STAT3: variants seen among roughly 807,000 people sequenced by gnomAD.
STAT3 encodes DNA-binding protein APRF.
STAT3 carries 7 observed loss-of-function variants against 114.3 expected under a neutral mutation model. The ratio of observed to expected loss-of-function variants is 0.06; its 90% CI spans 0.03 to 0.11. The LOEUF (loss-of-function observed/expected upper bound fraction) is 0.11, where lower values mean the gene tolerates loss of function less well. STAT3 is among the 10% of genes least tolerant of loss of function. The pLI is 1.00. For synonymous variants in STAT3, 331 were observed against 354.5 expected (o/e 0.93, Z 0.74); for missense variants, 364 against 960.9 (o/e 0.38, Z 8.21).
At chr17:42,344,859 T>G (rs182899758) in intron 4 of STAT3, among the ~76,000 whole-genome samples, 111 of 151,942 alleles carry the variant, frequency 7.3e-4, no homozygotes, top group Non-Finnish European at 7.4e-4. Flanking sequence ...GGCTGTTTTT[T>G]AGGTTTTGAT....
chr17:42,367,398 A>C (rs1268523646), intron 1 of STAT3, among the ~76,000 whole-genome samples: 1 of 150,462 alleles, frequency 6.6e-6, no homozygotes, highest in Non-Finnish European at 1.5e-5. Flanking sequence ...CCCACTCAGG[A>C]AAAAATCCAA....
Position 42,329,716 on chromosome 17 carries a change from G to C in STAT3, c.1139+31C>G, listed in dbSNP as rs2081910657. The C allele has an allele frequency of 2.5e-6, 4 of 1,614,164 alleles. No individual in the cohort carries two copies. In the East Asian group the frequency reaches 6.7e-5, roughly 27 times the overall value. The stretch of plus-strand genomic sequence containing the variant: ...CCGGAGGATGAAGTTAGGTTAAACG[G>C]AACAAAAGGAAGCCTCTAGGCTGAA... On this transcript the variant is annotated intron_variant, in intron 12 of 23. Coordinates refer to ENST00000264657, the MANE Select transcript of STAT3 (RefSeq NM_139276.3).
intron 1 of STAT3, among the ~76,000 whole-genome samples, chr17:42,378,096 C>T (rs1473722521): frequency 2.1e-5 from 3 of 144,838 alleles, no homozygotes. Context: ...AGCGATTCTC[C>T]TGCCTCAGCC....
At position 42,323,155 on chromosome 17, in the gene STAT3, G is replaced by A. The variant is rs1361828304; in HGVS notation, c.1749-12C>T. 1.2e-6 allele frequency: 2 copies of A among 1,614,218 alleles called. No individual in the cohort carries two copies. Among genetic ancestry groups the A allele is most frequent in the South Asian group, 2.2e-5 (2 of 91,088 alleles). On this transcript the variant is annotated splice_polypyrimidine_tract_variant and intron_variant, in intron 19 of 23. Transcript: ENST00000264657. ...AGCCCATGATGTACCTGGAGCCAAG[G>A]AGGAGGAACAATGTTGTTATTGCTA... is the stretch of plus-strand genomic sequence containing the variant.
chr17:42,388,423 CTTG>C lies in STAT3; in HGVS notation c.-171_-169del. ...GTGCCTGTCCAGGATCCGGTTGGGG[CTTG>C]TTCCCTCGGCTGCGACGTCGGAACC... On this transcript the variant is annotated 5_prime_UTR_variant, in exon 1 of 24. Transcript: ENST00000264657. The C allele has an allele frequency of 5.7e-6, 7 of 1,231,864 alleles. No individual in the cohort carries two copies. Among genetic ancestry groups the C allele is most frequent in the Non-Finnish European group, 6.1e-6 (6 of 988,050 alleles). The allele number at this position is 1,231,864 out of a possible 1,614,324, so 76.3% of individuals were successfully genotyped here.
chr17:42,320,504 C>T (rs1035996687), intron 21 of STAT3, among the ~76,000 whole-genome samples: 2 of 152,090 alleles, frequency 1.3e-5, no homozygotes, highest in African/African-American at 4.8e-5. Context: ...CTGAAGTGGG[C>T]AGATCACCTG....
rs202126764 is a variant in STAT3 at position 42,337,856 on chromosome 17, G to A, written c.552C>T (p.Asp184=). The A allele has an allele frequency of 9.0e-5, 146 of 1,613,892 alleles. No individual in the cohort carries two copies. The highest frequency in any genetic ancestry group is 1.2e-4 in the Non-Finnish European group (140 of 1,179,994). The part of the protein sequence containing the change: ...FNYKTLKSQG[D]MQDLNGNNQS... ...GGTTGTTTCCATTCAGATCTTGCATGTCTGCGAAGGAAGAAAAAACTCCTT... is the reference window on the plus strand; with the variant it reads ...GGTTGTTTCCATTCAGATCTTGCATATCTGCGAAGGAAGAAAAAACTCCTT... The change falls in exon 7 of 24, where the codon GAC becomes GAT. Residue 184 remains aspartate (D), a splice_region_variant and synonymous_variant. Coordinates refer to ENST00000264657, the MANE Select transcript of STAT3 (RefSeq NM_139276.3). The surrounding 1 kb of genome is among the most constrained non-coding windows in gnomAD (Gnocchi z 4.0).
Position 42,326,078 on chromosome 17 carries a change from T to C in STAT3, c.1365+38A>G, listed in dbSNP as rs763085268. ...GGAAGTTTTTGTCCTGAGTCACCCC[T>C]GTACGTAGCCTCTCACCGATTCTGC... On this transcript the variant is annotated intron_variant, in intron 15 of 23. Transcript: ENST00000264657. The C allele has an allele frequency of 1.9e-6, 3 of 1,585,728 alleles. No individual in the cohort carries two copies. In the Admixed American group the frequency reaches 5.0e-5, roughly 26 times the overall value.
chr17:42,367,014 G>A (rs371501593), intron 1 of STAT3, among the ~76,000 whole-genome samples: 45 of 152,114 alleles, frequency 3.0e-4, no homozygotes, highest in African/African-American at 1.0e-3. Flanking sequence ...AGTGGCAGGC[G>A]CCTGTAATCT....
chr17:42,357,079 C>T (rs563883027), intron 1 of STAT3, among the ~76,000 whole-genome samples: 2 of 151,942 alleles, frequency 1.3e-5, no homozygotes, highest in Admixed American at 6.6e-5. Context: ...TGAGCCACTG[C>T]GCCTGGCCTG....
At chr17:42,376,175 T>C (rs2084447707) in intron 1 of STAT3, among the ~76,000 whole-genome samples, 1 of 150,728 alleles carries the variant, frequency 6.6e-6, no homozygotes, top group Middle Eastern at 3.2e-3. Context: ...AAAGAATGAT[T>C]GATAAACCAA....
At chr17:42,354,157 T>C (rs907208890) in intron 1 of STAT3, among the ~76,000 whole-genome samples, 2 of 150,780 alleles carry the variant, frequency 1.3e-5, no homozygotes, top group Admixed American at 6.6e-5. Flanking sequence ...TAGTAAGTAG[T>C]ACAATAATTG....
intron 21 of STAT3, among the ~76,000 whole-genome samples, chr17:42,321,310 A>G (rs1286911426): frequency 6.6e-6 from 1 of 151,312 alleles, no homozygotes; most frequent in Non-Finnish European, 1.5e-5. Flanking sequence ...ATTTTTGTAT[A>G]GATAGGGTCT....
intron 1 of STAT3, among the ~76,000 whole-genome samples, chr17:42,353,195 A>T (rs1174649355): frequency 6.6e-6 from 1 of 152,016 alleles, no homozygotes; most frequent in African/African-American, 2.4e-5. Flanking sequence ...TAAAAATACA[A>T]AAATTAGCTG....
In STAT3 at chr17:42,376,545, C is replaced by CAA. The variant is rs766215172; in HGVS notation, c.-24+11732_-24+11733dup. ...CTGGCAACAGAGCAAGACTCCATCT[C>CAA]AAAAAAAAAAAAAAAAACCGGCCAG... On this transcript the variant is annotated intron_variant, in intron 1 of 23. Coordinates refer to ENST00000264657, the MANE Select transcript of STAT3 (RefSeq NM_139276.3). Among the ~76,000 whole-genome samples, 486 of 69,092 alleles carry CAA rather than the reference C, an allele frequency of 7.0e-3. 7 individuals carry two copies. In the South Asian group the frequency reaches 0.076, roughly 11 times the overall value. The allele number at this position is 69,092 out of a possible 152,430, so 45.3% of individuals were successfully genotyped here. A position where few individuals can be genotyped will look rare whatever the true frequency, so the allele number is the denominator to read the frequency against.
intron 1 of STAT3, among the ~76,000 whole-genome samples, chr17:42,366,238 G>A (rs535710354): frequency 6.6e-6 from 1 of 152,236 alleles, no homozygotes; most frequent in East Asian, 1.9e-4. Context: ...ATTCTAGCAA[G>A]TGACAACTCC....
At chr17:42,373,369 G>GA (rs2084267481) in intron 1 of STAT3, among the ~76,000 whole-genome samples, 1 of 150,458 alleles carries the variant, frequency 6.6e-6, no homozygotes, top group African/African-American at 2.4e-5. Context: ...GAAAAGAAAA[G>GA]AAAGAAAACA....
At chr17:42,322,046 C>G (rs1483162229) in intron 21 of STAT3, among the ~76,000 whole-genome samples, 1 of 152,048 alleles carries the variant, frequency 6.6e-6, no homozygotes, top group Non-Finnish European at 1.5e-5. Context: ...GCTGTATCCC[C>G]TCTTTAGACT....
At chr17:42,330,570 A>G (rs1242467748) in intron 11 of STAT3, among the ~76,000 whole-genome samples, 1 of 151,562 alleles carries the variant, frequency 6.6e-6, no homozygotes, top group Non-Finnish European at 1.5e-5. Context: ...CTGGGACTAC[A>G]GGTGCCCGCC....
Sources: allele counts gnomAD v4.1 joint callset (sites outside exome capture counted in the v4.1 genomes callset), GRCh38; gene constraint gnomAD v4.1.1; non-coding constraint Gnocchi (gnomAD v3.1); transcripts MANE v1.5; gene names NCBI Gene and HGNC (gene_info 2026-07-23, HGNC 2026-07-21).